PKIB: variants seen among roughly 807,000 people sequenced by gnomAD.
PKIB encodes cAMP-dependent protein kinase inhibitor beta.
In PKIB, 2 loss-of-function variants were observed where a neutral mutation model predicts 4.5. That is an observed-to-expected ratio of 0.44 (90% CI 0.18 to 1.39). The LOEUF is 1.39. Among genes scored for constraint, PKIB ranks in the 40% most tolerant of loss-of-function variants. PKIB has a pLI of 0.27. For missense variants in PKIB, 94 were observed against 92.6 expected, an observed-to-expected ratio of 1.02 and a Z score of -0.06; for synonymous variants, 38 against 36.0, an observed-to-expected ratio of 1.06 and a Z score of -0.20.
chr6:122,550,608 A>T (rs1189886280), intron 2 of PKIB, among the ~76,000 whole-genome samples: 1 of 152,142 alleles, frequency 6.6e-6, no homozygotes, highest in African/African-American at 2.4e-5. Flanking sequence ...TAATCTACTA[A>T]TTATTTTATG....
intron 4 of PKIB, among the ~76,000 whole-genome samples, chr6:122,724,149 AG>A (rs1482952965): frequency 6.6e-6 from 1 of 152,212 alleles, no homozygotes; most frequent in African/African-American, 2.4e-5. Context: ...AGGATGAAAG[AG>A]AAGATAGTAT....
At chr6:122,606,728 T>C (rs953213720), upstream of PKIB, among the ~76,000 whole-genome samples, 1 of 151,822 alleles carries the variant, frequency 6.6e-6, no homozygotes, top group Non-Finnish European at 1.5e-5. Context: ...TTTGTGGTAA[T>C]TTTTAATGGC....
intron 1 of PKIB, among the ~76,000 whole-genome samples, chr6:122,627,426 A>G (rs1775500645): frequency 6.6e-6 from 1 of 152,206 alleles, no homozygotes; most frequent in Non-Finnish European, 1.5e-5. Context: ...GGATTTGATC[A>G]ATTGAGTGTA....
intron 2 of PKIB, among the ~76,000 whole-genome samples, chr6:122,657,106 G>T (rs1391832352): frequency 6.6e-6 from 1 of 152,184 alleles, no homozygotes; most frequent in Non-Finnish European, 1.5e-5. Flanking sequence ...TAGTGAAGCA[G>T]ATTAACATAT....
intron 2 of PKIB, among the ~76,000 whole-genome samples, chr6:122,584,606 T>A (rs536851493): frequency 1.3e-5 from 2 of 152,298 alleles, no homozygotes; most frequent in South Asian, 4.1e-4. Context: ...TCATGTAGAC[T>A]TAAATACAGT....
At position 122,529,485 on chromosome 6, in the gene PKIB, T is replaced by C. The variant is rs531030898; in HGVS notation, c.-248+51546T>C. Among the ~76,000 whole-genome samples, 7 of 152,300 alleles carry C rather than the reference T, an allele frequency of 4.6e-5. No individual in the cohort carries two copies. In the East Asian group the frequency reaches 9.7e-4, roughly 21 times the overall value. ...AAAATTACAATAATACAAGTCACGA[T>C]ATTTGTCTATAAATTTACCTTTACG... On this transcript the variant is annotated intron_variant, in intron 2 of 6. Transcript: ENST00000392491.
chr6:122,506,694 A>ATTTTTT (rs35341464), intron 2 of PKIB, among the ~76,000 whole-genome samples: 3 of 116,566 alleles, frequency 2.6e-5, no homozygotes, highest in East Asian at 2.8e-4. Flanking sequence ...TGGAGATGTA[A>ATTTTTT]TTTTTTTTTT....
At chr6:122,588,536 G>A (rs919878133) in intron 3 of PKIB, among the ~76,000 whole-genome samples, 7 of 152,124 alleles carry the variant, frequency 4.6e-5, no homozygotes, top group African/African-American at 1.7e-4. Flanking sequence ...TATACTACAA[G>A]GCTACAGTAA....
chr6:122,720,360 A>T (rs1779690645), intron 4 of PKIB, among the ~76,000 whole-genome samples: 2 of 152,182 alleles, frequency 1.3e-5, no homozygotes, highest in Admixed American at 6.5e-5. Flanking sequence ...ACATATGAAC[A>T]GGAGGTGACA....
chr6:122,630,399 A>G (rs1775647176), intron 1 of PKIB, among the ~76,000 whole-genome samples: 1 of 152,178 alleles, frequency 6.6e-6, no homozygotes, highest in Admixed American at 6.5e-5. Flanking sequence ...CCACATAGAT[A>G]AACTTTGAGA....
intron 2 of PKIB, among the ~76,000 whole-genome samples, chr6:122,549,021 A>C (rs2114651385): frequency 6.6e-6 from 1 of 152,340 alleles, no homozygotes; most frequent in Middle Eastern, 3.4e-3. Flanking sequence ...CCTTGACTAC[A>C]ACCCATGGAA....
At chr6:122,633,952 A>ATCTATCTATCTG (rs1562278526) in intron 2 of PKIB, among the ~76,000 whole-genome samples, 4 of 151,792 alleles carry the variant, frequency 2.6e-5, no homozygotes, top group Non-Finnish European at 5.9e-5. Context: ...CTATCTATCT[A>ATCTATCTATCTG]TCTATCTATC....
intron 2 of PKIB, among the ~76,000 whole-genome samples, chr6:122,506,625 C>T (rs1232238247): frequency 6.6e-6 from 1 of 151,578 alleles, no homozygotes; most frequent in Non-Finnish European, 1.5e-5. Flanking sequence ...TGTAAAGGTC[C>T]CCTTAGGAGA....
At chr6:122,475,380 G>A (rs541294655) in intron 1 of PKIB, among the ~76,000 whole-genome samples, 1 of 152,292 alleles carries the variant, frequency 6.6e-6, no homozygotes, top group South Asian at 2.1e-4. Flanking sequence ...GTTATGCTGG[G>A]TGCAGTGACT....
At chr6:122,505,752 T>G (rs570371269) in intron 2 of PKIB, among the ~76,000 whole-genome samples, 18 of 152,290 alleles carry the variant, frequency 1.2e-4, no homozygotes, top group East Asian at 1.9e-4. Flanking sequence ...TTTAGTAGTA[T>G]TATATGAATA....
At chr6:122,675,585 T>TA (rs1463175400) in intron 3 of PKIB, among the ~76,000 whole-genome samples, 3 of 152,100 alleles carry the variant, frequency 2.0e-5, no homozygotes, top group East Asian at 3.9e-4. Context: ...GAATTTTTTT[T>TA]AAAAATCAAA....
intron 2 of PKIB, among the ~76,000 whole-genome samples, chr6:122,508,305 G>A (rs1039707165): frequency 6.6e-6 from 1 of 152,200 alleles, no homozygotes; most frequent in African/African-American, 2.4e-5. Flanking sequence ...AGGAACGTGG[G>A]TGACGTCTGT....
chr6:122,706,881 A>T (rs991458384), intron 3 of PKIB, among the ~76,000 whole-genome samples: 2 of 152,132 alleles, frequency 1.3e-5, no homozygotes, highest in African/African-American at 4.8e-5. Context: ...ATTTCAGTAT[A>T]TTTCCCTTAA....
intron 2 of PKIB, among the ~76,000 whole-genome samples, chr6:122,575,745 A>G (rs1216592147): frequency 6.6e-6 from 1 of 152,166 alleles, no homozygotes; most frequent in Non-Finnish European, 1.5e-5. Context: ...ACAGTACTAT[A>G]ATGGACTTTG....
Sources: allele counts gnomAD v4.1 joint callset (sites outside exome capture counted in the v4.1 genomes callset), GRCh38; gene constraint gnomAD v4.1.1; transcripts MANE v1.5; gene names NCBI Gene and HGNC (gene_info 2026-07-23, HGNC 2026-07-21).